The following ZNF782 variants were observed in gnomAD, a reference collection of about 807,000 sequenced individuals.
ZNF782 encodes the protein zinc finger protein 782.
ZNF782 carries 12 observed loss-of-function variants against 13.0 expected under a neutral mutation model. The observed-to-expected ratio is 0.92, with a 90% CI of 0.59 to 1.50. The LOEUF is 1.50. Ranked by LOEUF, ZNF782 falls within the 40% of genes most tolerant of loss-of-function variation. The pLI is 0.00. For missense variants in ZNF782, 770 were observed against 822.9 expected (o/e 0.94, Z 0.79); for synonymous variants, 284 against 283.0 (o/e 1.00, Z -0.04).
the ZNF782 span, among the ~76,000 whole-genome samples, chr9:96,911,150 A>C: frequency 2.0e-5 from 3 of 148,690 alleles, no homozygotes; most frequent in East Asian, 6.2e-4. Flanking sequence ...AAAAACTTGT[A>C]AAAAAAGGGC....
the ZNF782 span, among the ~76,000 whole-genome samples, chr9:96,908,026 C>T: frequency 1.3e-5 from 2 of 151,820 alleles, no homozygotes; most frequent in Admixed American, 1.3e-4. Context: ...AACAGAACTA[C>T]TAGTATTGGA....
intron 4 of ZNF782, among the ~76,000 whole-genome samples, chr9:96,839,749 C>G (rs117473583): frequency 0.013 from 2,051 of 152,178 alleles, 24 homozygotes; most frequent in Non-Finnish European, 0.019. Context: ...ATATTCTTCT[C>G]TCTTTCCTTA....
chr9:96,839,311 TG>T (rs1254059604), intron 4 of ZNF782, among the ~76,000 whole-genome samples: 2 of 149,292 alleles, frequency 1.3e-5, no homozygotes, highest in Non-Finnish European at 3.0e-5. Context: ...CTGTACCAAT[TG>T]GTGTTTCAGG....
chr9:96,844,770 TA>T, intron 4 of ZNF782, 119 bp downstream of exon 4: 2 of 1,407,872 alleles, frequency 1.4e-6, no homozygotes, highest in Non-Finnish European at 2.0e-6. Flanking sequence ...GTGACTAATA[TA>T]AAAAAGGAAA....
intron 5 of ZNF782, among the ~76,000 whole-genome samples, chr9:96,820,227 G>A (rs569919864): frequency 1.6e-4 from 25 of 152,334 alleles, no homozygotes; most frequent in African/African-American, 5.8e-4. Context: ...AGTAACGCTA[G>A]TCTAGATTCT....
intron 1 of ZNF782, among the ~76,000 whole-genome samples, chr9:96,864,770 G>A (rs571758492): frequency 4.8e-4 from 72 of 151,004 alleles, no homozygotes; most frequent in Non-Finnish European, 9.0e-4. Flanking sequence ...AGTGGCTCAT[G>A]TCTGTAATAC....
At chr9:96,856,274 G>C (rs897856369), upstream of ZNF782, among the ~76,000 whole-genome samples, 3 of 152,152 alleles carry the variant, frequency 2.0e-5, no homozygotes, top group African/African-American at 4.8e-5. Context: ...CTGCAGAAGA[G>C]TATATCCATG....
At chr9:96,865,766 GATA>G (rs1196041688) in intron 1 of ZNF782, among the ~76,000 whole-genome samples, 1 of 152,158 alleles carries the variant, frequency 6.6e-6, no homozygotes, top group Non-Finnish European at 1.5e-5. Context: ...CCAAAATGTT[GATA>G]ATGATATGGA....
Position 96,851,929 on chromosome 9 carries a change from A to G in ZNF782, c.15+18T>C, listed in dbSNP as rs1435865884. ...AAATCCATTACAATACAAAGTGGGG[A>G]ATGAATAAAAAGCTTACCTGAAATG... On this transcript the variant is annotated intron_variant, in intron 3 of 5. Transcript: ENST00000481138. 1.2e-6 allele frequency: 2 copies of G among 1,613,006 alleles called. No individual in the cohort carries two copies. The highest frequency in any genetic ancestry group is 2.2e-5 in the South Asian group (2 of 91,050).
Position 96,819,439 on chromosome 9 carries a change from G to C in ZNF782, c.584C>G (p.Thr195Ser). ...AATAACTTCCTCCTTATGATGGAGG[G>C]TTTTCACAATTTTACTATAAGCGAA... is the stretch of plus-strand genomic sequence containing the variant. The part of the protein sequence containing the change: ...KSFAYSKIVK[T>S]LHHKEEVIQH... Residue 195 changes from threonine (T) to serine (S), a missense_variant, in exon 6 of 6, where the codon ACC (threonine) becomes AGC (serine). Thr to Ser is a moderately conservative substitution (Grantham distance 58). Transcript: ENST00000481138. 1 of 1,613,778 alleles carries C rather than the reference G, an allele frequency of 6.2e-7. No individual in the cohort carries two copies. The highest frequency in any genetic ancestry group is 8.5e-7 in the Non-Finnish European group (1 of 1,179,958).
chr9:96,875,236 T>A (rs968789038), intron 1 of ZNF782, among the ~76,000 whole-genome samples: 3 of 152,214 alleles, frequency 2.0e-5, no homozygotes, highest in Admixed American at 1.3e-4. Context: ...GCCGGCCTCA[T>A]AGAGTACTTG....
intron 4 of ZNF782, 58 bp from the exon 5 acceptor site, chr9:96,827,239 A>G: frequency 7.7e-7 from 1 of 1,290,680 alleles, no homozygotes; most frequent in Non-Finnish European, 1.1e-6. Flanking sequence ...ACTGTTTCTG[A>G]ATGTGAAGAA....
At chr9:96,828,610 G>T (rs1437342892) in intron 4 of ZNF782, among the ~76,000 whole-genome samples, 1 of 152,172 alleles carries the variant, frequency 6.6e-6, no homozygotes, top group Non-Finnish European at 1.5e-5. Context: ...CAGGAGGACT[G>T]CCTGAAGCTG....
the ZNF782 span, among the ~76,000 whole-genome samples, chr9:96,898,836 AG>A: frequency 6.7e-6 from 1 of 148,850 alleles, no homozygotes; most frequent in Non-Finnish European, 1.5e-5. Context: ...GGCCTCCCAA[AG>A]TGCTGGGATT....
At chr9:96,847,632 G>A (rs1851378542) in intron 3 of ZNF782, among the ~76,000 whole-genome samples, 2 of 152,040 alleles carry the variant, frequency 1.3e-5, no homozygotes, top group African/African-American at 4.8e-5. Flanking sequence ...CTGAAACCCT[G>A]AATAGACTAC....
chr9:96,893,355 G>A, the ZNF782 span: 3 of 152,144 alleles, frequency 2.0e-5, no homozygotes, highest in Non-Finnish European at 4.4e-5. Context: ...GAGGCTATCT[G>A]ATCATTAAAA....
At chr9:96,837,701 C>T (rs1045705086) in intron 4 of ZNF782, among the ~76,000 whole-genome samples, 12 of 152,124 alleles carry the variant, frequency 7.9e-5, no homozygotes, top group African/African-American at 2.7e-4. Flanking sequence ...TTACTGCATC[C>T]AGAAGGTACG....
At chr9:96,920,532 C>CT in the ZNF782 span, among the ~76,000 whole-genome samples, 1 of 149,158 alleles carries the variant, frequency 6.7e-6, no homozygotes, top group African/African-American at 2.4e-5. Context: ...TCCCAAAATG[C>CT]TGGGATTACA....
At chr9:96,843,111 T>C (rs1359810405) in intron 4 of ZNF782, among the ~76,000 whole-genome samples, 1 of 152,136 alleles carries the variant, frequency 6.6e-6, no homozygotes, top group African/African-American at 2.4e-5. Flanking sequence ...TGCAAAATGG[T>C]ACAGCAACTC....
Sources: allele counts gnomAD v4.1 joint callset (sites outside exome capture counted in the v4.1 genomes callset), GRCh38; gene constraint gnomAD v4.1.1; transcripts MANE v1.5; gene names NCBI Gene and HGNC (gene_info 2026-07-23, HGNC 2026-07-21).